ARHGAP15: variants seen among roughly 807,000 people sequenced by gnomAD.
ARHGAP15 encodes the protein rho GTPase-activating protein 15.
In ARHGAP15, 51 loss-of-function variants were observed where a neutral mutation model predicts 63.7. That is an observed-to-expected ratio of 0.80 (90% CI 0.64 to 1.01). ARHGAP15 has a LOEUF of 1.01. Ranked by LOEUF, ARHGAP15 falls within the 50% of genes least tolerant of loss-of-function variation. ARHGAP15 has a pLI of 0.00. For synonymous variants in ARHGAP15, 191 were observed against 193.8 expected (o/e 0.99, Z 0.12); for missense variants, 560 against 564.6 (o/e 0.99, Z 0.08).
intron 12 of ARHGAP15, among the ~76,000 whole-genome samples, chr2:143,657,127 G>A (rs1002682693): frequency 6.6e-6 from 1 of 152,072 alleles, no homozygotes; most frequent in Non-Finnish European, 1.5e-5. Context: ...TGGGCAGATC[G>A]TGAGGTCAGG....
chr2:143,660,777 A>G (rs1174839566), intron 12 of ARHGAP15, among the ~76,000 whole-genome samples: 2 of 152,258 alleles, frequency 1.3e-5, no homozygotes, highest in Non-Finnish European at 2.9e-5. Context: ...ACCTAGGAGT[A>G]GAAACAACAA....
chr2:143,391,766 G>C (rs1687547444), intron 6 of ARHGAP15, among the ~76,000 whole-genome samples: 1 of 151,966 alleles, frequency 6.6e-6, no homozygotes, highest in Non-Finnish European at 1.5e-5. Flanking sequence ...AAGACCCAAG[G>C]GTTTTTTCTA....
At chr2:143,175,100 A>G (rs1015804542) in intron 2 of ARHGAP15, among the ~76,000 whole-genome samples, 1 of 152,104 alleles carries the variant, frequency 6.6e-6, no homozygotes, top group Non-Finnish European at 1.5e-5. Context: ...GACTATGCAT[A>G]CATAGAAAGA....
At chr2:143,662,037 G>A (rs1179908217) in intron 12 of ARHGAP15, among the ~76,000 whole-genome samples, 2 of 152,242 alleles carry the variant, frequency 1.3e-5, no homozygotes, top group Non-Finnish European at 2.9e-5. Context: ...AAACATAGCA[G>A]CCGGGAAGCT....
rs147641189 is a variant in ARHGAP15, at chr2:143,715,155, A to T, written c.1244+11631A>T. Reference sequence around the variant, plus strand: ...GGCCTCAGAATCATGGCAGGAGGTAAAAGGTACTTCTTACATTGTGGAGGC... The same window carrying T: ...GGCCTCAGAATCATGGCAGGAGGTATAAGGTACTTCTTACATTGTGGAGGC... On this transcript the variant is annotated intron_variant, in intron 13 of 13. Transcript: ENST00000295095. Among the ~76,000 whole-genome samples, 723 of 152,320 alleles carry T rather than the reference A, an allele frequency of 4.7e-3. 3 individuals carry two copies. Among genetic ancestry groups the T allele is most frequent in the African/African-American group, 0.016 (673 of 41,556 alleles).
At chr2:143,410,311 G>A (rs1299112833) in intron 6 of ARHGAP15, among the ~76,000 whole-genome samples, 2 of 152,000 alleles carry the variant, frequency 1.3e-5, no homozygotes, top group East Asian at 1.9e-4. Context: ...CTACTGATGT[G>A]GACACATGTG....
chr2:143,352,255 C>A (rs957158558), intron 6 of ARHGAP15, among the ~76,000 whole-genome samples: 1 of 152,034 alleles, frequency 6.6e-6, no homozygotes, highest in African/African-American at 2.4e-5. Context: ...GTTTAAAGAG[C>A]TTTCTTTATG....
chr2:143,293,647 A>G (rs1682506036), intron 6 of ARHGAP15, among the ~76,000 whole-genome samples: 1 of 152,044 alleles, frequency 6.6e-6, no homozygotes, highest in African/African-American at 2.4e-5. Context: ...TGCACAATTT[A>G]CTAAGCACCT....
intron 2 of ARHGAP15, among the ~76,000 whole-genome samples, chr2:143,170,005 T>C (rs6713802): frequency 0.33 from 49,556 of 151,744 alleles, 8,627 homozygotes; most frequent in East Asian, 0.54. Flanking sequence ...TTATGCCACC[T>C]GTTTGTATAA....
chr2:143,160,773 C>T (rs1690261490), intron 2 of ARHGAP15, among the ~76,000 whole-genome samples: 1 of 151,878 alleles, frequency 6.6e-6, no homozygotes, highest in Admixed American at 6.6e-5. Flanking sequence ...TTGTCCATGC[C>T]ACCCTTTGCC....
intron 2 of ARHGAP15, among the ~76,000 whole-genome samples, chr2:143,182,340 A>T (rs1691271973): frequency 6.6e-6 from 1 of 152,132 alleles, no homozygotes; most frequent in Non-Finnish European, 1.5e-5. Flanking sequence ...GAGAATAGGG[A>T]GGCAGAGGAG....
chr2:143,377,173 GAATA>G (rs1686851106), intron 6 of ARHGAP15, among the ~76,000 whole-genome samples: 2 of 151,890 alleles, frequency 1.3e-5, no homozygotes, highest in Admixed American at 1.3e-4. Context: ...ATCCTATAAA[GAATA>G]AATACTTTAA....
chr2:143,670,127 C>CT (rs1176581040), intron 12 of ARHGAP15, among the ~76,000 whole-genome samples: 10 of 152,264 alleles, frequency 6.6e-5, no homozygotes, highest in Admixed American at 5.2e-4. Context: ...CTTGAAAACT[C>CT]TAAGAATCAG....
chr2:143,649,048 G>A (rs1055292842), intron 12 of ARHGAP15, among the ~76,000 whole-genome samples: 10 of 151,974 alleles, frequency 6.6e-5, no homozygotes, highest in African/African-American at 1.4e-4. Context: ...GTCAATGTAC[G>A]TGAGTCTTAG....
rs1330751615 is a variant in ARHGAP15 at position 143,175,922 on chromosome 2, G to C, written c.165+20267G>C. Among the ~76,000 whole-genome samples the C allele has an allele frequency of 2.0e-5, 3 of 152,056 alleles. No individual in the cohort carries two copies. The East Asian group carries it at 5.8e-4, about 29-fold the overall frequency. The stretch of plus-strand genomic sequence containing the variant: ...CTATTTGAGTAATATAAAAAATAAA[G>C]TGATATAATTGAATAGTATAATATA... On this transcript the variant is annotated intron_variant, in intron 2 of 13. Transcript: ENST00000295095.
chr2:143,429,495 C>T (rs999429529), intron 6 of ARHGAP15, among the ~76,000 whole-genome samples: 11 of 151,976 alleles, frequency 7.2e-5, no homozygotes, highest in African/African-American at 2.2e-4. Context: ...GTACGTAACC[C>T]GACATTGTTT....
At chr2:143,709,514 A>C (rs1574870669) in intron 13 of ARHGAP15, among the ~76,000 whole-genome samples, 1 of 152,304 alleles carries the variant, frequency 6.6e-6, no homozygotes, top group South Asian at 2.1e-4. Flanking sequence ...ACTCTAAGGA[A>C]GTTGTCCAGC....
intron 11 of ARHGAP15, among the ~76,000 whole-genome samples, chr2:143,562,035 G>A (rs1025289044): frequency 6.6e-6 from 1 of 151,960 alleles, no homozygotes; most frequent in Non-Finnish European, 1.5e-5. Flanking sequence ...GATTTTATTG[G>A]CATAATAATC....
At chr2:143,189,502 C>CTTT (rs771848951) in intron 2 of ARHGAP15, among the ~76,000 whole-genome samples, 1 of 140,286 alleles carries the variant, frequency 7.1e-6, no homozygotes, top group African/African-American at 2.6e-5. Context: ...TTCTTTCTTT[C>CTTT]TTTTTTTTTT....
Sources: gnomAD v4.1 joint callset for allele counts (sites outside exome capture counted in the v4.1 genomes callset) on GRCh38, gnomAD v4.1.1 for gene constraint, MANE v1.5 for transcripts, NCBI Gene and HGNC (gene_info 2026-07-23, HGNC 2026-07-21) for gene names.